NFE2: variants seen among roughly 807,000 people sequenced by gnomAD.
The protein encoded by NFE2 is transcription factor NF-E2 45 kDa subunit.
A neutral mutation model predicts 25.8 loss-of-function variants in NFE2; 13 were observed. That is an observed-to-expected ratio of 0.50 (90% CI 0.33 to 0.80). The LOEUF is 0.80. Ranked by LOEUF, NFE2 falls within the 30% of genes least tolerant of loss-of-function variation. The pLI is 0.02. For missense variants in NFE2, 382 were observed against 478.9 expected, an observed-to-expected ratio of 0.80 and a Z score of 1.89; for synonymous variants, 204 against 200.2, an observed-to-expected ratio of 1.02 and a Z score of -0.16.
At chr12:54,295,388 G>T in intron 1 of NFE2, 84 bp from the exon 2 acceptor site, 1 of 628,354 alleles carries the variant, frequency 1.6e-6, no homozygotes, top group Non-Finnish European at 2.8e-6. Context: ...GCTCCCTCCA[G>T]CTTCCCCTGA....
chr12:54,292,858 C>T lies in NFE2; in HGVS notation c.638G>A (p.Arg213Gln), dbSNP rs1944331107. ...LALEPSSGPV[R>Q]AKPTARGEAG... ...CTCCCCCCGTGCAGTGGGCTTAGCC[C>T]GCACAGGGCCTGAGGAGGGCTCTAA... Residue 213 changes from arginine (R) to glutamine (Q), a missense_variant, in exon 3 of 3, where the codon CGG becomes CAG. Arg to Gln is a conservative substitution (Grantham distance 43). Transcript: ENST00000435572. The T allele has an allele frequency of 3.1e-6, 5 of 1,614,018 alleles. No individual in the cohort carries two copies. The highest frequency in any genetic ancestry group is 4.2e-6 in the Non-Finnish European group (5 of 1,179,978).
chr12:54,299,915 G>C (rs753823607), intron 1 of NFE2, among the ~76,000 whole-genome samples: 1 of 152,050 alleles, frequency 6.6e-6, no homozygotes, highest in African/African-American at 2.4e-5. Context: ...GAGAACTCCC[G>C]AAGAGAGAGA....
intron 1 of NFE2, among the ~76,000 whole-genome samples, chr12:54,299,734 C>G (rs1490130643): frequency 1.3e-5 from 2 of 152,104 alleles, no homozygotes; most frequent in Non-Finnish European, 2.9e-5. Context: ...CTCTTAACTT[C>G]CTTAACGAGG....
Position 54,292,529 on chromosome 12 carries a change from G to C in NFE2, c.967C>G (p.Arg323Gly), listed in dbSNP as rs1272443561. 6.2e-7 allele frequency: 1 copy of C among 1,614,150 alleles called. No homozygotes were observed. Among genetic ancestry groups the C allele is most frequent in the Admixed American group, 1.7e-5 (1 of 60,016 alleles). The change falls in exon 3 of 3, where the codon CGC becomes GGC. Residue 323 changes from arginine to glycine, a missense_variant. Transcript: ENST00000435572. The stretch of plus-strand genomic sequence containing the variant: ...CGGTACAGCTCTGTCAGCTGTTGGC[G>C]CATGACCTCCAGGGTCCGGTCTGCC... ...GEADRTLEVMRQQLTELYRDI... is the reference protein window; with the variant it reads ...GEADRTLEVMGQQLTELYRDI...
rs557366350 is a variant in NFE2, at chr12:54,295,284, A to G, written c.-36T>C. The G allele has an allele frequency of 5.4e-5, 85 of 1,563,018 alleles. No homozygotes were observed. The highest frequency in any genetic ancestry group is 7.5e-5 in the Non-Finnish European group (85 of 1,134,272). ...CAGAGTCTGGTCCAGGTTCCCGGAAAGCCCAGATGGCTCTAGAAACCTGTG... is the reference window on the plus strand; with the variant it reads ...CAGAGTCTGGTCCAGGTTCCCGGAAGGCCCAGATGGCTCTAGAAACCTGTG... On this transcript the variant is annotated 5_prime_UTR_variant, in exon 2 of 3. Transcript: ENST00000435572.
chr12:54,295,388 G>A, intron 1 of NFE2, 84 bp from the exon 2 acceptor site: 1 of 628,354 alleles, frequency 1.6e-6, no homozygotes. Context: ...GCTCCCTCCA[G>A]CTTCCCCTGA....
Position 54,292,861 on chromosome 12 carries a change from A to T in NFE2, c.635T>A (p.Val212Glu). The T allele has an allele frequency of 3.1e-6, 5 of 1,614,118 alleles. No homozygotes were observed. Among genetic ancestry groups the T allele is most frequent in the Non-Finnish European group, 4.2e-6 (5 of 1,179,956 alleles). ...CCCCCGTGCAGTGGGCTTAGCCCGC[A>T]CAGGGCCTGAGGAGGGCTCTAAGGC... ...PLALEPSSGP[V>E]RAKPTARGEA... is the part of the protein sequence containing the mutation. Residue 212 changes from valine to glutamate, a missense_variant, in exon 3 of 3, where the codon GTG (valine) becomes GAG (glutamate). Transcript: ENST00000435572.
At chr12:54,297,139 G>A (rs1258280718) in intron 1 of NFE2, among the ~76,000 whole-genome samples, 1 of 152,020 alleles carries the variant, frequency 6.6e-6, no homozygotes, top group East Asian at 1.9e-4. Context: ...AGGATTGCTT[G>A]AGCCCAGGAG....
At position 54,292,923 on chromosome 12, in the gene NFE2, G is replaced by A. The variant is rs770664776; in HGVS notation, c.573C>T (p.His191=). The change falls in exon 3 of 3, where the codon CAC becomes CAT. Residue 191 remains histidine, a synonymous_variant. Transcript: ENST00000435572. ...CAGCAGCTGGCAAGGTATAGTTGGA[G>A]TGGGCCAAGGAGTTGGGCATGAGTG... ...PYSLMPNSLA[H]SNYTLPAAET... is the part of the protein sequence containing the mutation. 1.2e-6 allele frequency: 2 copies of A among 1,603,136 alleles called. No homozygotes were observed. The highest frequency in any genetic ancestry group is 1.3e-5 in the African/African-American group (1 of 74,818).
At position 54,292,658 on chromosome 12, in the gene NFE2, C is replaced by A. The variant is rs1944328242; in HGVS notation, c.838G>T (p.Ala280Ser). 6.2e-7 allele frequency: 1 copy of A among 1,614,120 alleles called. No individual in the cohort carries two copies. Among genetic ancestry groups the A allele is most frequent in the Non-Finnish European group, 8.5e-7 (1 of 1,180,050 alleles). Reference sequence around the variant, plus strand: ...AGCTTCCTCTTGCGGCAGTTCTGGGCTGCCACCTTGTTTTTGCCCCGTCGT... The same window carrying A: ...AGCTTCCTCTTGCGGCAGTTCTGGGATGCCACCTTGTTTTTGCCCCGTCGT... Reference protein sequence around the residue: ...IRRRGKNKVAAQNCRKRKLET... With the variant: ...IRRRGKNKVASQNCRKRKLET... The change falls in exon 3 of 3, where the codon GCC becomes TCC. Residue 280 changes from alanine (A) to serine (S), a missense_variant. By Grantham distance (99) the Ala-to-Ser change is moderately conservative. Transcript: ENST00000435572.
Position 54,292,765 on chromosome 12 carries a change from T to C in NFE2, c.731A>G (p.Asn244Ser), listed in dbSNP as rs562232587. The C allele has an allele frequency of 9.9e-6, 16 of 1,614,186 alleles. No individual in the cohort carries two copies. The highest frequency in any genetic ancestry group is 6.7e-5 in the East Asian group (3 of 44,872). Residue 244 changes from asparagine to serine, a missense_variant, in exon 3 of 3, where the codon AAC becomes AGC. Transcript: ENST00000435572. Reference sequence around the variant, plus strand: ...CTCATTAAAGTCATCTACCGGCAAGTTGACAATCTTGTCCGTAGGAAAAGG... The same window carrying C: ...CTCATTAAAGTCATCTACCGGCAAGCTGACAATCTTGTCCGTAGGAAAAGG... ...KIPFPTDKIVNLPVDDFNELL... is the reference protein window; with the variant it reads ...KIPFPTDKIVSLPVDDFNELL...
intron 2 of NFE2, 70 bp downstream of exon 2, chr12:54,295,047 CTCCTGCCCTCTGCCTCAG>C: frequency 1.9e-6 from 2 of 1,047,914 alleles, no homozygotes; most frequent in Non-Finnish European, 2.9e-6. Context: ...GCCCTGCTTG[CTCCTGCCCTCTGCCTCAG>C]TCCTGGCCAA....
At chr12:54,297,375 A>C (rs887936951) in intron 1 of NFE2, among the ~76,000 whole-genome samples, 2 of 150,144 alleles carry the variant, frequency 1.3e-5, no homozygotes, top group Non-Finnish European at 3.0e-5. Context: ...AAAAAAAAAA[A>C]AAAAACGGCC....
At chr12:54,294,067 G>T (rs1016156523) in intron 2 of NFE2, among the ~76,000 whole-genome samples, 75 of 151,810 alleles carry the variant, frequency 4.9e-4, no homozygotes, top group African/African-American at 1.8e-3. Flanking sequence ...GATCAAGAAC[G>T]TCCTGGCTAA....
chr12:54,292,788 A>G lies in NFE2; in HGVS notation c.708T>C (p.Pro236=). Residue 236 remains proline (P), a synonymous_variant, in exon 3 of 3, where the codon CCT becomes CCC. Coordinates refer to ENST00000435572, the MANE Select transcript of NFE2 (RefSeq NM_001136023.3). ...AGTTGACAATCTTGTCCGTAGGAAAAGGAATCTTCATGGCCAAGGCCCGAC... is the reference window on the plus strand; with the variant it reads ...AGTTGACAATCTTGTCCGTAGGAAAGGGAATCTTCATGGCCAAGGCCCGAC... ...DERRALAMKI[P]FPTDKIVNLP... 6.2e-7 allele frequency: 1 copy of G among 1,614,196 alleles called. No individual in the cohort carries two copies. Among genetic ancestry groups the G allele is most frequent in the East Asian group, 2.2e-5 (1 of 44,878 alleles).
chr12:54,295,338 C>A, intron 1 of NFE2, 34 bp from the exon 2 acceptor site: 2 of 1,041,002 alleles, frequency 1.9e-6, no homozygotes, highest in South Asian at 1.4e-5. Flanking sequence ...TAGAGCTACA[C>A]CTGCTAGGGT....
chr12:54,292,229 C>A lies in NFE2; in HGVS notation c.*145G>T. ...TCAAGGCAAGCCTCTTTGAACACAC[C>A]TTGGAACTTCCAAACACTTGTTGCC... is the stretch of plus-strand genomic sequence containing the variant. On this transcript the variant is annotated 3_prime_UTR_variant, in exon 3 of 3. Coordinates refer to ENST00000435572, the MANE Select transcript of NFE2 (RefSeq NM_001136023.3). 2 of 850,440 alleles carry A rather than the reference C, an allele frequency of 2.4e-6. No individual in the cohort carries two copies. The highest frequency in any genetic ancestry group is 1.8e-6 in the Non-Finnish European group (1 of 560,886). The allele number at this position is 850,440 out of a possible 1,614,324, so 52.7% of individuals were successfully genotyped here. A position where few individuals can be genotyped will look rare whatever the true frequency, so the allele number is the denominator to read the frequency against.
intron 2 of NFE2, among the ~76,000 whole-genome samples, chr12:54,294,867 T>C (rs1355465095): frequency 6.6e-6 from 1 of 151,736 alleles, no homozygotes. Flanking sequence ...GAGCAGGAGG[T>C]GGGGTAGAGA....
chr12:54,299,710 C>G (rs1338155674), intron 1 of NFE2, among the ~76,000 whole-genome samples: 3 of 152,130 alleles, frequency 2.0e-5, no homozygotes, highest in African/African-American at 7.2e-5. Flanking sequence ...TTGGCCTTAG[C>G]TGCTGCCCCA....
Sources: allele counts gnomAD v4.1 joint callset (sites outside exome capture counted in the v4.1 genomes callset), GRCh38; gene constraint gnomAD v4.1.1; transcripts MANE v1.5; gene names NCBI Gene and HGNC (gene_info 2026-07-23, HGNC 2026-07-21).